The following N4BP1 variants were observed in gnomAD, a reference collection of about 807,000 sequenced individuals.
N4BP1 encodes NEDD4 binding protein 1.
A neutral mutation model predicts 70.9 loss-of-function variants in N4BP1; 21 were observed. The ratio of observed to expected loss-of-function variants is 0.30; its 90% confidence interval spans 0.21 to 0.43. The LOEUF (loss-of-function observed/expected upper bound fraction) is 0.43. Among genes scored for constraint, N4BP1 ranks in the 20% least tolerant of loss-of-function variants. N4BP1 has a pLI of 1.00. For synonymous variants in N4BP1, 387 were observed against 394.6 expected, an observed-to-expected ratio of 0.98 and a Z score of 0.23; for missense variants, 936 against 1,069.4, an observed-to-expected ratio of 0.88 and a Z score of 1.74.
intron 1 of N4BP1, among the ~76,000 whole-genome samples, chr16:48,604,291 CT>C (rs1481144727): frequency 2.0e-5 from 3 of 152,188 alleles, no homozygotes; most frequent in Non-Finnish European, 4.4e-5. Flanking sequence ...TGGCTCATGC[CT>C]GTAATCCTAG....
At chr16:48,566,958 TG>T (rs1021493834) in intron 1 of N4BP1, among the ~76,000 whole-genome samples, 3 of 152,226 alleles carry the variant, frequency 2.0e-5, no homozygotes, top group Non-Finnish European at 2.9e-5. Context: ...CATTATGTAG[TG>T]TCTCTCTTAA....
intron 1 of N4BP1, among the ~76,000 whole-genome samples, chr16:48,605,486 T>C (rs1316262925): frequency 2.0e-5 from 3 of 152,194 alleles, no homozygotes; most frequent in Non-Finnish European, 4.4e-5. Flanking sequence ...ACCTCCCTTT[T>C]GTCTCTGAAA....
intron 1 of N4BP1, among the ~76,000 whole-genome samples, chr16:48,573,179 G>T (rs1454615687): frequency 6.6e-6 from 1 of 151,584 alleles, no homozygotes; most frequent in Non-Finnish European, 1.5e-5. Context: ...CCCCATAAAT[G>T]TAGTACAGTA....
chr16:48,553,439 G>T, intron 3 of N4BP1, 100 bp downstream of exon 3: 1 of 1,213,974 alleles, frequency 8.2e-7, no homozygotes. Context: ...TAAAGCCGCT[G>T]CCTATGGCAC....
rs557031805 is a variant in N4BP1, at chr16:48,592,834, T to C, written c.198+16941A>G. 2.7e-3 allele frequency among the ~76,000 whole-genome samples: 406 copies of C among 152,316 alleles called. 1 individual carries two copies. The highest frequency in any genetic ancestry group is 9.3e-3 in the African/African-American group (387 of 41,576). The stretch of plus-strand genomic sequence containing the variant: ...CTTCAATATACCTCCCTTGGAGCCA[T>C]TACATTCTAGGTAAGGTCTGGGGAC... On this transcript the variant is annotated intron_variant, in intron 1 of 6. Transcript: ENST00000262384.
intron 1 of N4BP1, among the ~76,000 whole-genome samples, chr16:48,567,508 G>A (rs895680038): frequency 2.6e-5 from 4 of 151,888 alleles, no homozygotes; most frequent in Admixed American, 1.3e-4. Context: ...TAGTAGAAAC[G>A]GGGTTTTGCT....
chr16:48,548,172 CATGTT>C, intron 4 of N4BP1, 58 bp from the exon 5 acceptor site: 1 of 961,424 alleles, frequency 1.0e-6, no homozygotes, highest in South Asian at 1.4e-5. Flanking sequence ...TCAGAGAAGC[CATGTT>C]ATAAGAAGAG....
intron 1 of N4BP1, among the ~76,000 whole-genome samples, chr16:48,591,583 A>G (rs1964339163): frequency 6.6e-6 from 1 of 151,966 alleles, no homozygotes; most frequent in Non-Finnish European, 1.5e-5. Context: ...GGTTAAAATC[A>G]ACTTAATTAA....
intron 1 of N4BP1, among the ~76,000 whole-genome samples, chr16:48,580,361 C>T (rs932484088): frequency 1.3e-5 from 2 of 152,054 alleles, no homozygotes; most frequent in African/African-American, 4.8e-5. Flanking sequence ...TTGACACATA[C>T]AACCTACCAA....
chr16:48,556,036 T>C (rs896292679), intron 2 of N4BP1, among the ~76,000 whole-genome samples: 1 of 152,088 alleles, frequency 6.6e-6, no homozygotes, highest in African/African-American at 2.4e-5. Flanking sequence ...AGGAAGGAAA[T>C]GCAGACCGAT....
chr16:48,594,007 A>C (rs1440961884), intron 1 of N4BP1, among the ~76,000 whole-genome samples: 1 of 150,538 alleles, frequency 6.6e-6, no homozygotes, highest in Non-Finnish European at 1.5e-5. Flanking sequence ...GTCTCAAAAA[A>C]AAAAAAAAAA....
Position 48,561,845 on chromosome 16 carries a change from T to G in N4BP1, c.798A>C (p.Ile266=), listed in dbSNP as rs1445393072. The G allele has an allele frequency of 6.8e-6, 11 of 1,613,898 alleles. No individual in the cohort carries two copies. Among genetic ancestry groups the G allele is most frequent in the Non-Finnish European group, 9.3e-6 (11 of 1,179,900 alleles). The part of the protein sequence containing the change: ...SSSPDVLFDP[I]NGLTPDEEAL... Reference sequence around the variant, plus strand: ...CCTCTTCATCTGGGGTTAGACCATTTATTGGATCAAAAAGCACATCTGGTG... The same window carrying G: ...CCTCTTCATCTGGGGTTAGACCATTGATTGGATCAAAAAGCACATCTGGTG... Residue 266 remains isoleucine (I), a synonymous_variant, in exon 2 of 7, where the codon ATA becomes ATC. Transcript: ENST00000262384.
At position 48,543,038 on chromosome 16, in the gene N4BP1, C is replaced by A; in HGVS notation, c.2557G>T (p.Glu853Ter). 1 of 1,614,076 alleles carries A rather than the reference C, an allele frequency of 6.2e-7. No homozygotes were observed. Among genetic ancestry groups the A allele is most frequent in the Non-Finnish European group, 8.5e-7 (1 of 1,179,908 alleles). The change falls in exon 7 of 7, where the codon GAA becomes TAA. Residue 853 changes from glutamate to a stop codon, truncating the protein, a stop_gained. Coordinates refer to ENST00000262384, the MANE Select transcript of N4BP1 (RefSeq NM_153029.4). LOFTEE classifies it high-confidence loss of function. ...AGGGCTTCCCTCAGCTCGTTGGTTT[C>A]TGCAGAAGATCTCTGAGCTGGCATG... ...LPMPAQRSSA[E>*]TNELREALLK...
chr16:48,556,758 A>G (rs1963760624), intron 2 of N4BP1, among the ~76,000 whole-genome samples: 1 of 152,192 alleles, frequency 6.6e-6, no homozygotes, highest in Admixed American at 6.5e-5. Context: ...GGGACAATGG[A>G]AAGTCCTTTC....
chr16:48,563,347 C>G (rs146854597), intron 1 of N4BP1, among the ~76,000 whole-genome samples: 3,120 of 151,396 alleles, frequency 0.021, 109 homozygotes, highest in African/African-American at 0.071. Flanking sequence ...AGAGCGGGAC[C>G]CTATCTCTAA....
At chr16:48,598,611 C>T (rs1241864371) in intron 1 of N4BP1, among the ~76,000 whole-genome samples, 1 of 152,158 alleles carries the variant, frequency 6.6e-6, no homozygotes, top group Non-Finnish European at 1.5e-5. Flanking sequence ...CTTGGTCCCT[C>T]AATTTGCCCC....
chr16:48,549,723 C>A (rs1176431106), intron 4 of N4BP1, among the ~76,000 whole-genome samples: 1 of 152,192 alleles, frequency 6.6e-6, no homozygotes, highest in African/African-American at 2.4e-5. Flanking sequence ...AATGAGAAGG[C>A]CCTTTTGGTG....
rs1246629792 is a variant in N4BP1 at position 48,539,498 on chromosome 16, CTACAG to C, written c.*3401_*3405del. On this transcript the variant is annotated 3_prime_UTR_variant, in exon 7 of 7. Coordinates refer to ENST00000262384, the MANE Select transcript of N4BP1 (RefSeq NM_153029.4). ...CACTCCTGAAGGTCAGGGCCAGTCA[CTACAG>C]AGAGGGGACAGCGAGGAGAGGGACG... is the stretch of plus-strand genomic sequence containing the variant. The C allele has an allele frequency of 6.6e-6, 1 of 152,470 alleles. No individual in the cohort carries two copies. The highest frequency in any genetic ancestry group is 1.5e-5 in the Non-Finnish European group (1 of 68,224). The allele number at this position is 152,470 out of a possible 1,614,324, so 9.4% of individuals were successfully genotyped here.
Position 48,561,147 on chromosome 16 carries a change from G to A in N4BP1, c.1496C>T (p.Pro499Leu). ...TDGLSPSVASPSPKEVNFVSR... is the reference protein window; with the variant it reads ...TDGLSPSVASLSPKEVNFVSR... ...AACAAAATTGACTTCTTTGGGACTT[G>A]GAGAGGCAACAGAAGGTGAAAGGCC... The change falls in exon 2 of 7, where the codon CCA becomes CTA. Residue 499 changes from proline (P) to leucine (L), a missense_variant. Pro to Leu is a moderately conservative substitution (Grantham distance 98). Around this residue, in one of 4 missense-constraint regions of N4BP1, gnomAD observed 515 missense variants for 491.7 expected, o/e 1.05. Transcript: ENST00000262384. 1.2e-6 allele frequency: 2 copies of A among 1,614,020 alleles called. No individual in the cohort carries two copies. Among genetic ancestry groups the A allele is most frequent in the African/African-American group, 2.7e-5 (2 of 75,040 alleles).
Sources: allele counts gnomAD v4.1 joint callset (sites outside exome capture counted in the v4.1 genomes callset), GRCh38; gene constraint gnomAD v4.1.1; regional missense constraint gnomAD v4.1.1; transcripts MANE v1.5; gene names NCBI Gene and HGNC (gene_info 2026-07-23, HGNC 2026-07-21).